PTPRJ: variants seen among roughly 807,000 people sequenced by gnomAD.
PTPRJ encodes receptor-type tyrosine-protein phosphatase eta.
A neutral mutation model predicts 141.3 loss-of-function variants in PTPRJ; 129 were observed. The observed-to-expected ratio is 0.91, with a 90% CI of 0.79 to 1.06. The LOEUF is 1.06. PTPRJ is among the 50% of genes least tolerant of loss of function. The pLI is 0.00. For missense variants in PTPRJ, 1,601 were observed against 1,679.7 expected, an observed-to-expected ratio of 0.95 and a Z score of 0.82; for synonymous variants, 610 against 640.5, an observed-to-expected ratio of 0.95 and a Z score of 0.72.
intron 1 of PTPRJ, among the ~76,000 whole-genome samples, chr11:48,005,615 G>A (rs748244063): frequency 1.2e-4 from 18 of 152,192 alleles, no homozygotes; most frequent in Non-Finnish European, 2.2e-4. Context: ...GGTCGTTTGG[G>A]TCATTTCTAC....
At chr11:48,159,122 G>GGGGTGTGTGTGTCTGTGTGTGTGT (rs368150087) in intron 21 of PTPRJ, among the ~76,000 whole-genome samples, 1 of 5,298 alleles carries the variant, frequency 1.9e-4, no homozygotes, top group South Asian at 0.025. Flanking sequence ...GTGTATGTGG[G>GGGGTGTGTGTGTCTGTGTGTGTGT]GTGTGTGTGT....
Position 48,049,515 on chromosome 11 carries a change from T to TAAAACAAAACAAAACAAAAC in PTPRJ, c.97-60510_97-60491dup, listed in dbSNP as rs71457242. Among the ~76,000 whole-genome samples the TAAAACAAAACAAAACAAAAC allele has an allele frequency of 1.2e-3, 163 of 140,932 alleles. 2 individuals are homozygous for TAAAACAAAACAAAACAAAAC. The highest frequency in any genetic ancestry group is 2.7e-3 in the African/African-American group (97 of 35,822). The allele number at this position is 140,932 out of a possible 152,430, so 92.5% of individuals were successfully genotyped here. Reference sequence around the variant, plus strand: ...CAATGCGGTGAAACCCCGTCTCTACTAAAACAAAACAAAACAAAACAAAAC... The same window carrying TAAAACAAAACAAAACAAAAC: ...CAATGCGGTGAAACCCCGTCTCTACTAAAACAAAACAAAACAAAACAAAACAAAACAAAACAAAACAAAAC... On this transcript the variant is annotated intron_variant, in intron 1 of 24. Coordinates refer to ENST00000418331, the MANE Select transcript of PTPRJ (RefSeq NM_002843.4).
rs980410920 is a variant in PTPRJ at position 48,164,463 on chromosome 11, A to G, written c.3803A>G (p.Tyr1268Cys). Reference sequence around the variant, plus strand: ...GAGAATGAGAACACCGTGGATGTGTATGGGATTGTGTATGACCTTCGAATG... The same window carrying G: ...GAGAATGAGAACACCGTGGATGTGTGTGGGATTGTGTATGACCTTCGAATG... ...QIENENTVDV[Y>C]GIVYDLRMHR... Residue 1268 changes from tyrosine to cysteine, a missense_variant, in exon 24 of 25, where the codon TAT becomes TGT. Physicochemically the swap from Tyr to Cys is radical, Grantham distance 194. Coordinates refer to ENST00000418331, the MANE Select transcript of PTPRJ (RefSeq NM_002843.4). The G allele has an allele frequency of 1.3e-6, 2 of 1,594,386 alleles. No homozygotes were observed. Among genetic ancestry groups the G allele is most frequent in the African/African-American group, 1.4e-5 (1 of 73,740 alleles).
chr11:48,086,593 A>C (rs1476597064), intron 1 of PTPRJ, among the ~76,000 whole-genome samples: 2 of 152,220 alleles, frequency 1.3e-5, no homozygotes, highest in Admixed American at 1.3e-4. Context: ...CTGTAGCCTG[A>C]AGCTTTGTTT....
intron 1 of PTPRJ, among the ~76,000 whole-genome samples, chr11:48,093,802 A>G (rs1440838980): frequency 6.7e-6 from 1 of 148,460 alleles, no homozygotes; most frequent in African/African-American, 2.6e-5. Context: ...CTAAAAAAAA[A>G]AAAAAGAAAA....
intron 19 of PTPRJ, 66 bp downstream of exon 19, chr11:48,153,952 G>C: frequency 9.0e-7 from 1 of 1,112,118 alleles, no homozygotes; most frequent in Non-Finnish European, 1.4e-6. Flanking sequence ...TCTAAGTGTA[G>C]AGGGGAGGGA....
intron 22 of PTPRJ, among the ~76,000 whole-genome samples, chr11:48,163,019 G>A (rs908196878): frequency 6.6e-6 from 1 of 152,204 alleles, no homozygotes; most frequent in Non-Finnish European, 1.5e-5. Flanking sequence ...GTGTATTTGA[G>A]TAAATTATTT....
intron 1 of PTPRJ, among the ~76,000 whole-genome samples, chr11:48,057,116 A>G (rs1193318197): frequency 1.4e-4 from 22 of 151,894 alleles, no homozygotes; most frequent in Non-Finnish European, 5.9e-5. Flanking sequence ...AGAGTGACTG[A>G]CTCTGATTGC....
At chr11:48,010,314 A>G (rs1049881000) in intron 1 of PTPRJ, among the ~76,000 whole-genome samples, 21 of 151,978 alleles carry the variant, frequency 1.4e-4, no homozygotes, top group African/African-American at 5.1e-4. Flanking sequence ...AGTAGCTGGG[A>G]TTACAGGCGG....
In PTPRJ at chr11:48,137,097, C is replaced by T; in HGVS notation, c.1968C>T (p.Ser656=). The T allele has an allele frequency of 6.2e-7, 1 of 1,607,878 alleles. No homozygotes were observed. Residue 656 remains serine (S), a synonymous_variant, in exon 10 of 25, where the codon TCC becomes TCT. Coordinates refer to ENST00000418331, the MANE Select transcript of PTPRJ (RefSeq NM_002843.4). ...TTGATGACGCCTCTCCCACGTACTC[C>T]TACTGCCTTCTTATTGAGAAGGCTG... ...QNFDDASPTY[S]YCLLIEKAGN...
Position 48,136,076 on chromosome 11 carries a change from C to G in PTPRJ, c.1653C>G (p.Val551=). 1 of 1,614,188 alleles carries G rather than the reference C, an allele frequency of 6.2e-7. No individual in the cohort carries two copies. Among genetic ancestry groups the G allele is most frequent in the East Asian group, 2.2e-5 (1 of 44,884 alleles). The change falls in exon 9 of 25, where the codon GTC becomes GTG. Residue 551 remains valine (V), a synonymous_variant. Transcript: ENST00000418331. ...TGTTTGACATCCACGTGGTCTACGT[C>G]ACCACCACGGAGATGTGGCTGGACT... ...SAVFDIHVVY[V]TTTEMWLDWK...
chr11:48,032,690 C>T (rs1015750481), intron 1 of PTPRJ, among the ~76,000 whole-genome samples: 4 of 152,106 alleles, frequency 2.6e-5, no homozygotes, highest in Admixed American at 6.5e-5. Flanking sequence ...ATCTGGGAGG[C>T]GGAGGTTGCA....
intron 4 of PTPRJ, 127 bp from the exon 5 acceptor site, chr11:48,123,486 C>G (rs1367580818): frequency 1.1e-6 from 1 of 929,080 alleles, no homozygotes; most frequent in Non-Finnish European, 1.6e-6. Flanking sequence ...ATTGGGACAT[C>G]AGTGACCTCA....
At chr11:47,995,899 G>A (rs1220406681) in intron 1 of PTPRJ, among the ~76,000 whole-genome samples, 19 of 152,094 alleles carry the variant, frequency 1.2e-4, no homozygotes, top group African/African-American at 4.6e-4. Flanking sequence ...TTAACAGGGT[G>A]TGGTGGCACA....
chr11:48,109,622 G>A (rs1243269102), intron 1 of PTPRJ, among the ~76,000 whole-genome samples: 1 of 152,204 alleles, frequency 6.6e-6, no homozygotes, highest in African/African-American at 2.4e-5. Context: ...AAATGGGTCT[G>A]GGGAAGGGGT....
chr11:48,088,910 G>A (rs200086413), intron 1 of PTPRJ, among the ~76,000 whole-genome samples: 2 of 152,266 alleles, frequency 1.3e-5, no homozygotes, highest in East Asian at 3.9e-4. Flanking sequence ...TGTTGTATTG[G>A]CTTCTGCCAA....
At chr11:48,012,343 C>CTTA (rs1470445427) in intron 1 of PTPRJ, among the ~76,000 whole-genome samples, 1 of 152,120 alleles carries the variant, frequency 6.6e-6, no homozygotes, top group Non-Finnish European at 1.5e-5. Flanking sequence ...GTCAGAAGGT[C>CTTA]TTATACCATA....
intron 1 of PTPRJ, among the ~76,000 whole-genome samples, chr11:48,022,955 C>T (rs1282875524): frequency 6.6e-6 from 1 of 152,000 alleles, no homozygotes; most frequent in Non-Finnish European, 1.5e-5. Flanking sequence ...GATTTGAAGG[C>T]TCAAGTCACA....
At chr11:48,071,377 C>T (rs374816473) in intron 1 of PTPRJ, among the ~76,000 whole-genome samples, 10 of 151,896 alleles carry the variant, frequency 6.6e-5, no homozygotes, top group South Asian at 2.1e-4. Context: ...AGTGCAGTGG[C>T]GCTATCTTGG....
Sources: gnomAD v4.1 joint callset for allele counts (sites outside exome capture counted in the v4.1 genomes callset) on GRCh38, gnomAD v4.1.1 for gene constraint, MANE v1.5 for transcripts, NCBI Gene and HGNC (gene_info 2026-07-23, HGNC 2026-07-21) for gene names.